CYP11A1: variants seen among roughly 807,000 people sequenced by gnomAD.
The protein encoded by CYP11A1 is cholesterol side-chain cleavage enzyme, mitochondrial.
A neutral mutation model predicts 51.9 loss-of-function variants in CYP11A1; 25 were observed. The observed-to-expected ratio is 0.48, with a 90% confidence interval of 0.35 to 0.67. The LOEUF is 0.67. Among genes scored for constraint, CYP11A1 ranks in the 30% least tolerant of loss-of-function variants. The pLI, the probability that CYP11A1 is intolerant of heterozygous loss-of-function variation, is 0.00. For missense variants in CYP11A1, 578 were observed against 680.9 expected, an observed-to-expected ratio of 0.85 and a Z score of 1.68; for synonymous variants, 245 against 262.1, an observed-to-expected ratio of 0.93 and a Z score of 0.63.
intron 6 of CYP11A1, 107 bp from the exon 7 acceptor site, chr15:74,339,422 G>A (rs1264767268): frequency 1.4e-6 from 2 of 1,406,934 alleles, no homozygotes; most frequent in Non-Finnish European, 2.0e-6. Context: ...CAGCCTGGGG[G>A]GACCTGGGGG....
intron 8 of CYP11A1, 33 bp from the exon 9 acceptor site, chr15:74,338,136 G>A: frequency 6.2e-7 from 1 of 1,613,878 alleles, no homozygotes. Context: ...TTAGGGGAGG[G>A]CAGGGGAGGA....
At chr15:74,364,967 TGA>T (rs2060725391) in intron 1 of CYP11A1, among the ~76,000 whole-genome samples, 1 of 151,992 alleles carries the variant, frequency 6.6e-6, no homozygotes, top group Admixed American at 6.6e-5. Context: ...AAAGGAGTTG[TGA>T]GAGAGGGAGG....
At position 74,345,279 on chromosome 15, in the gene CYP11A1, C is replaced by T. The variant is rs1329891918; in HGVS notation, c.426-36G>A. 6.2e-7 allele frequency: 1 copy of T among 1,611,830 alleles called. No homozygotes were observed. Among genetic ancestry groups the T allele is most frequent in the East Asian group, 2.2e-5 (1 of 44,882 alleles). On this transcript the variant is annotated intron_variant, in intron 2 of 8. Transcript: ENST00000268053. The surrounding 1 kb of genome is among the most constrained non-coding windows in gnomAD (Gnocchi z 4.3). ...ATGGGCCCACAAGCCCTCATGGTCACAGACCCCAGGCCTGGTGAACACAGA... is the reference window on the plus strand; with the variant it reads ...ATGGGCCCACAAGCCCTCATGGTCATAGACCCCAGGCCTGGTGAACACAGA...
intron 8 of CYP11A1, 111 bp downstream of exon 8, chr15:74,338,459 GC>G: frequency 8.9e-7 from 1 of 1,124,748 alleles, no homozygotes; most frequent in Non-Finnish European, 1.3e-6. Flanking sequence ...AGGTAGATGC[GC>G]CCCAGCACTG....
intron 1 of CYP11A1, chr15:74,361,535 G>C: frequency 1.5e-6 from 1 of 676,458 alleles, no homozygotes; most frequent in South Asian, 1.5e-5. Context: ...GCCACCAGGA[G>C]CCCTGTACTA....
At chr15:74,347,827 A>T in intron 2 of CYP11A1, 73 bp downstream of exon 2, 5 of 1,546,074 alleles carry the variant, frequency 3.2e-6, no homozygotes, top group Non-Finnish European at 4.4e-6. Context: ...TCAGCCCCTC[A>T]CCCCCAGCCT....
At chr15:74,366,164 G>A (rs1049653757) in intron 1 of CYP11A1, 1 of 985,604 alleles carries the variant, frequency 1.0e-6, no homozygotes, top group South Asian at 4.7e-5. Context: ...GGAATAGCGC[G>A]GCCCGGGCGG....
intron 1 of CYP11A1, chr15:74,366,091 G>A (rs950051261): frequency 2.0e-6 from 2 of 985,416 alleles, no homozygotes; most frequent in Non-Finnish European, 2.4e-6. Flanking sequence ...GGGAGGCGGA[G>A]GTGAGCGACC....
chr15:74,342,440 G>A (rs1281906439), intron 5 of CYP11A1, among the ~76,000 whole-genome samples: 2 of 152,156 alleles, frequency 1.3e-5, no homozygotes, highest in African/African-American at 4.8e-5. Context: ...TGCTGCTATG[G>A]AAAGAGCACT....
At chr15:74,348,365 C>T (rs2060641488) in intron 1 of CYP11A1, 1 of 392,748 alleles carries the variant, frequency 2.5e-6, no homozygotes, top group Non-Finnish European at 4.8e-6. Flanking sequence ...AGCCCAAAGC[C>T]ACCCCCGAGC....
chr15:74,344,034 G>A lies in CYP11A1; in HGVS notation c.626-42C>T, dbSNP rs555070110. On this transcript the variant is annotated intron_variant, in intron 3 of 8. Coordinates refer to ENST00000268053, the MANE Select transcript of CYP11A1 (RefSeq NM_000781.3). Reference sequence around the variant, plus strand: ...AGGCTGAGGAGCCATTTCTGACGGGGCCATCTGAGAGCCACAACTCCCAGG... The same window carrying A: ...AGGCTGAGGAGCCATTTCTGACGGGACCATCTGAGAGCCACAACTCCCAGG... The A allele has an allele frequency of 2.5e-6, 4 of 1,575,218 alleles. No homozygotes were observed. The South Asian group carries it at 4.4e-5, about 17-fold the overall frequency.
chr15:74,366,489 T>C (rs1167559753), intron 1 of CYP11A1, among the ~76,000 whole-genome samples: 1 of 150,008 alleles, frequency 6.7e-6, no homozygotes, highest in Non-Finnish European at 1.5e-5. Context: ...TATTTATTTA[T>C]TTATTTTTGT....
intron 2 of CYP11A1, 108 bp downstream of exon 2, chr15:74,347,792 T>G (rs2060638965): frequency 1.8e-6 from 2 of 1,136,690 alleles, no homozygotes; most frequent in Non-Finnish European, 1.3e-6. Flanking sequence ...GAGGCCCTGC[T>G]AGGAGGCACA....
At chr15:74,361,847 C>A in intron 1 of CYP11A1, 1 of 1,145,664 alleles carries the variant, frequency 8.7e-7, no homozygotes, top group Non-Finnish European at 1.3e-6. Context: ...GCATCTTGTC[C>A]ATGGCAAATG....
chr15:74,364,738 G>C (rs1283469345), intron 1 of CYP11A1: 2 of 152,390 alleles, frequency 1.3e-5, no homozygotes, highest in African/African-American at 4.8e-5. Context: ...CTAGGAAGTG[G>C]TGAAAAGGGA....
intron 1 of CYP11A1, among the ~76,000 whole-genome samples, chr15:74,358,066 C>A (rs2141243751): frequency 6.6e-6 from 1 of 152,328 alleles, no homozygotes; most frequent in South Asian, 2.1e-4. Flanking sequence ...AAAGAGGTCT[C>A]CTCACTACAC....
At chr15:74,338,266 C>A (rs988689425) in intron 8 of CYP11A1, 163 bp from the exon 9 acceptor site, 5 of 829,180 alleles carry the variant, frequency 6.0e-6, no homozygotes, top group Non-Finnish European at 9.9e-6. Context: ...TGATAATGCA[C>A]CCTTAGTGCT....
At chr15:74,366,409 G>A (rs959049302) in intron 1 of CYP11A1, among the ~76,000 whole-genome samples, 2 of 149,012 alleles carry the variant, frequency 1.3e-5, no homozygotes, top group African/African-American at 5.0e-5. Flanking sequence ...TCAGCCTCCC[G>A]AGTAGCTGGG....
chr15:74,365,995 C>T, intron 1 of CYP11A1: 1 of 986,314 alleles, frequency 1.0e-6, no homozygotes, highest in Non-Finnish European at 1.2e-6. Flanking sequence ...GGGCCGCCGC[C>T]GCCTCCGCGG....
Sources: allele counts gnomAD v4.1 joint callset (sites outside exome capture counted in the v4.1 genomes callset), GRCh38; gene constraint gnomAD v4.1.1; non-coding constraint Gnocchi (gnomAD v3.1); transcripts MANE v1.5; gene names NCBI Gene and HGNC (gene_info 2026-07-23, HGNC 2026-07-21).